The following PCDHA1 variants were observed in gnomAD, a reference collection of about 807,000 sequenced individuals.
PCDHA1 encodes the protein protocadherin alpha-1.
PCDHA1 carries 42 observed loss-of-function variants against 61.3 expected under a neutral mutation model. The ratio of observed to expected loss-of-function variants is 0.69; its 90% CI spans 0.54 to 0.89. The LOEUF (loss-of-function observed/expected upper bound fraction) is 0.89, where lower values mean the gene tolerates loss of function less well. PCDHA1 is among the 40% of genes least tolerant of loss of function. The pLI, the probability that PCDHA1 is intolerant of heterozygous loss-of-function variation, is 0.00. For missense variants in PCDHA1, 1,256 were observed against 1,235.3 expected, an observed-to-expected ratio of 1.02 and a Z score of -0.25; for synonymous variants, 610 against 553.8, an observed-to-expected ratio of 1.10 and a Z score of -1.43.
intron 1 of PCDHA1, chr5:140,968,839 T>C (rs1426943047): frequency 1.3e-5 from 21 of 1,614,052 alleles, no homozygotes; most frequent in Non-Finnish European, 1.7e-5. Flanking sequence ...TCCCTGACAC[T>C]CAGAGGCATG....
chr5:140,950,028 A>G (rs1288516742), intron 1 of PCDHA1, among the ~76,000 whole-genome samples: 6 of 151,954 alleles, frequency 3.9e-5, no homozygotes, highest in Non-Finnish European at 8.8e-5. Flanking sequence ...TAAAATATAG[A>G]AAAGTTACAA....
chr5:140,791,135 T>C (rs1157546928), intron 1 of PCDHA1, among the ~76,000 whole-genome samples: 1 of 152,160 alleles, frequency 6.6e-6, no homozygotes, highest in Non-Finnish European at 1.5e-5. Context: ...AGGATGCAAA[T>C]AGATGAAAAT....
At chr5:140,882,069 G>T in intron 1 of PCDHA1, 1 of 844,446 alleles carries the variant, frequency 1.2e-6, no homozygotes, top group Non-Finnish European at 1.8e-6. Flanking sequence ...ACGTTCATGC[G>T]CATGGTGTCG....
chr5:140,800,960 A>T (rs1581639057), intron 1 of PCDHA1: 4 of 1,180,626 alleles, frequency 3.4e-6, no homozygotes, highest in Non-Finnish European at 4.4e-6. Flanking sequence ...ATACAAGGAA[A>T]AGAAGATACG....
At position 140,788,870 on chromosome 5, in the gene PCDHA1, A is replaced by T. The variant is rs978855761; in HGVS notation, c.2394+186A>T. 44 of 1,334,430 alleles carry T rather than the reference A, an allele frequency of 3.3e-5. No individual in the cohort carries two copies. In the South Asian group the frequency reaches 7.3e-4, roughly 22 times the overall value. 82.7% of individuals were successfully genotyped at this position (1,334,430 alleles called of 1,614,324 possible). ...TTGAATGGAACTAGAAAGCAAAGAAAAATGTAGGGACAAATTGTCGTATTT... is the reference window on the plus strand; with the variant it reads ...TTGAATGGAACTAGAAAGCAAAGAATAATGTAGGGACAAATTGTCGTATTT... On this transcript the variant is annotated intron_variant, in intron 1 of 3. Transcript: ENST00000504120.
intron 3 of PCDHA1, among the ~76,000 whole-genome samples, chr5:140,988,308 G>A (rs75602297): frequency 6.6e-6 from 1 of 152,298 alleles, no homozygotes; most frequent in East Asian, 1.9e-4. Flanking sequence ...TGCCAGCTTG[G>A]CTTGGCTTTC....
intron 1 of PCDHA1, among the ~76,000 whole-genome samples, chr5:140,917,324 C>CGGGGGGCG (rs1299895515): frequency 1.3e-5 from 1 of 76,124 alleles, no homozygotes; most frequent in Non-Finnish European, 2.9e-5. Context: ...GTTCATGTGG[C>CGGGGGGCG]GGGGGAGGGG....
intron 3 of PCDHA1, among the ~76,000 whole-genome samples, chr5:140,997,372 A>G (rs2097768557): frequency 6.6e-6 from 1 of 152,208 alleles, no homozygotes; most frequent in Non-Finnish European, 1.5e-5. Context: ...CCTAGATGAT[A>G]TAGCATACTA....
At chr5:140,804,923 G>T in intron 1 of PCDHA1, 9 of 968,472 alleles carry the variant, frequency 9.3e-6, no homozygotes, top group East Asian at 3.0e-5. Context: ...TTCCTTTTTT[G>T]GCACTATCCT....
chr5:140,938,945 T>C (rs1390189208), intron 1 of PCDHA1, among the ~76,000 whole-genome samples: 8 of 152,154 alleles, frequency 5.3e-5, no homozygotes, highest in African/African-American at 1.9e-4. Flanking sequence ...TCCATTCTTA[T>C]AATGCTCTAG....
intron 1 of PCDHA1, among the ~76,000 whole-genome samples, chr5:140,911,672 C>T (rs1010402307): frequency 2.6e-5 from 4 of 152,154 alleles, no homozygotes; most frequent in Non-Finnish European, 5.9e-5. Flanking sequence ...TTGCCTCTCA[C>T]GAACCGTGCA....
chr5:140,985,170 C>T (rs1465909141), intron 3 of PCDHA1, among the ~76,000 whole-genome samples: 12 of 152,168 alleles, frequency 7.9e-5, no homozygotes, highest in African/African-American at 2.9e-4. Flanking sequence ...ATCTCCTGAC[C>T]TCGTAATCCG....
chr5:140,872,265 T>G (rs2053570965), intron 1 of PCDHA1, among the ~76,000 whole-genome samples: 1 of 152,164 alleles, frequency 6.6e-6, no homozygotes, highest in South Asian at 2.1e-4. Context: ...TGTTTTCATA[T>G]TGTTTGAAGA....
Position 140,793,380 on chromosome 5 carries a change from C to G in PCDHA1, c.2394+4696C>G, listed in dbSNP as rs1023753119. On this transcript the variant is annotated intron_variant, in intron 1 of 3. Coordinates refer to ENST00000504120, the MANE Select transcript of PCDHA1 (RefSeq NM_018900.4). The stretch of plus-strand genomic sequence containing the variant: ...GTTTATTTTTGCTTAAATCGGTTAA[C>G]TTGGGATTTACTGTTAGAGTATGAT... Among the ~76,000 whole-genome samples the G allele has an allele frequency of 3.9e-5, 6 of 152,114 alleles. No homozygotes were observed. The South Asian group carries it at 1.2e-3, about 32-fold the overall frequency.
intron 1 of PCDHA1, chr5:140,882,290 G>A: frequency 6.2e-7 from 1 of 1,613,532 alleles, no homozygotes; most frequent in Non-Finnish European, 8.5e-7. Flanking sequence ...CTGGCAAGGA[G>A]GCCCAAGACC....
At chr5:140,863,033 C>T (rs1554157551) in intron 1 of PCDHA1, 1 of 557,426 alleles carries the variant, frequency 1.8e-6, no homozygotes, top group Admixed American at 1.9e-5. Context: ...GCAACAGCTG[C>T]ATCTGTCAGC....
intron 3 of PCDHA1, among the ~76,000 whole-genome samples, chr5:141,000,421 A>ATT (rs34755515): frequency 0.021 from 589 of 27,976 alleles, 60 homozygotes; most frequent in Middle Eastern, 0.062. Flanking sequence ...ATATATATAT[A>ATT]TTTTTTTTTT....
At chr5:140,879,391 G>A (rs2057973329) in intron 1 of PCDHA1, among the ~76,000 whole-genome samples, 1 of 152,184 alleles carries the variant, frequency 6.6e-6, no homozygotes, top group South Asian at 2.1e-4. Flanking sequence ...TGGAGAAACA[G>A]TTTGTGTGTA....
rs1580998752 is a variant in PCDHA1 at position 140,842,398 on chromosome 5, A to G, written c.2394+53714A>G. 3.1e-6 allele frequency: 5 copies of G among 1,611,514 alleles called. No individual in the cohort carries two copies. The African/African-American group carries it at 6.7e-5, about 22-fold the overall frequency. On this transcript the variant is annotated intron_variant, in intron 1 of 3. Coordinates refer to ENST00000504120, the MANE Select transcript of PCDHA1 (RefSeq NM_018900.4). ...CACTGACTTCCTTATCCTTGCCTGTACGTGAAGACGCTCAATTTGGTACTG... is the reference window on the plus strand; with the variant it reads ...CACTGACTTCCTTATCCTTGCCTGTGCGTGAAGACGCTCAATTTGGTACTG...
Sources: gnomAD v4.1 joint callset for allele counts (sites outside exome capture counted in the v4.1 genomes callset) on GRCh38, gnomAD v4.1.1 for gene constraint, MANE v1.5 for transcripts, NCBI Gene and HGNC (gene_info 2026-07-23, HGNC 2026-07-21) for gene names.